PIGK: variants seen among roughly 807,000 people sequenced by gnomAD.
PIGK encodes the protein phosphatidylinositol glycan anchor biosynthesis class K.
In PIGK, 42 loss-of-function variants were observed where a neutral mutation model predicts 50.6. The ratio of observed to expected loss-of-function variants is 0.83; its 90% CI spans 0.65 to 1.07. The LOEUF (loss-of-function observed/expected upper bound fraction) is 1.07, where lower values mean the gene tolerates loss of function less well. PIGK is among the 50% of genes least tolerant of loss of function. The pLI is 0.00. For missense variants in PIGK, 448 were observed against 488.7 expected (o/e 0.92, Z 0.78); for synonymous variants, 151 against 156.0 (o/e 0.97, Z 0.24).
At position 77,149,587 on chromosome 1, in the gene PIGK, AC is replaced by A. The variant is rs779204845; in HGVS notation, c.986+4861del. 1.0e-3 allele frequency among the ~76,000 whole-genome samples: 152 copies of A among 152,276 alleles called. 2 individuals are homozygous for A. The highest frequency in any genetic ancestry group is 3.4e-3 in the Middle Eastern group (1 of 294). On this transcript the variant is annotated intron_variant, in intron 9 of 10. Coordinates refer to ENST00000370812, the MANE Select transcript of PIGK (RefSeq NM_005482.3). ...ATATGTATATACCCATTGCAGTATT[AC>A]CCAAATATAAAGCAAATATGATTAG...
At chr1:77,122,608 TTC>T (rs1477086938) in intron 9 of PIGK, among the ~76,000 whole-genome samples, 10 of 152,204 alleles carry the variant, frequency 6.6e-5, no homozygotes, top group Admixed American at 6.6e-4. Context: ...GATCCTGTCT[TTC>T]TCTGAGACAA....
intron 10 of PIGK, among the ~76,000 whole-genome samples, chr1:77,111,016 T>C (rs1031804516): frequency 6.6e-6 from 1 of 152,150 alleles, no homozygotes; most frequent in African/African-American, 2.4e-5. Flanking sequence ...ATGCTCATCA[T>C]CACTGGCCAT....
At chr1:77,204,406 T>A (rs914254375) in intron 3 of PIGK, among the ~76,000 whole-genome samples, 1 of 152,126 alleles carries the variant, frequency 6.6e-6, no homozygotes, top group Non-Finnish European at 1.5e-5. Flanking sequence ...CAGTGGGACA[T>A]GAAACTTCAT....
At chr1:77,163,373 TAA>T (rs1655169582) in intron 6 of PIGK, among the ~76,000 whole-genome samples, 1 of 152,154 alleles carries the variant, frequency 6.6e-6, no homozygotes. Flanking sequence ...AGCTTCCAAC[TAA>T]AGAGATGCTT....
At chr1:77,216,023 C>T (rs1455328152) in intron 1 of PIGK, among the ~76,000 whole-genome samples, 1 of 152,024 alleles carries the variant, frequency 6.6e-6, no homozygotes, top group Non-Finnish European at 1.5e-5. Flanking sequence ...TTCTATAGCA[C>T]TTTAGAGTAA....
intron 9 of PIGK, among the ~76,000 whole-genome samples, chr1:77,136,322 G>C (rs1340962848): frequency 6.6e-6 from 1 of 151,876 alleles, no homozygotes; most frequent in South Asian, 2.1e-4. Flanking sequence ...GAGGTCAGGA[G>C]ATCGAGACCA....
chr1:77,143,408 TATAAAAA>T (rs957066770), intron 9 of PIGK, among the ~76,000 whole-genome samples: 19 of 152,098 alleles, frequency 1.2e-4, no homozygotes, highest in Admixed American at 9.8e-4. Context: ...TACCATCCTT[TATAAAAA>T]ATTTTTGTGA....
At chr1:77,212,726 C>T (rs373813392) in intron 1 of PIGK, among the ~76,000 whole-genome samples, 10 of 152,036 alleles carry the variant, frequency 6.6e-5, no homozygotes, top group South Asian at 2.1e-4. Context: ...CACTATACAA[C>T]GATAAAGGAA....
rs1004841272 is a variant in PIGK, at chr1:77,092,291, A to C, written c.*83T>G. On this transcript the variant is annotated 3_prime_UTR_variant, in exon 11 of 11. Transcript: ENST00000370812. ...TACTTATTTCCAATTCATACAAGAGAAACACATTTTTAAAAATATATAATG... is the reference window on the plus strand; with the variant it reads ...TACTTATTTCCAATTCATACAAGAGCAACACATTTTTAAAAATATATAATG... The C allele has an allele frequency of 1.1e-5, 7 of 636,370 alleles. No individual in the cohort carries two copies. Among genetic ancestry groups the C allele is most frequent in the Non-Finnish European group, 1.9e-5 (7 of 366,004 alleles). The allele number at this position is 636,370 out of a possible 1,614,324, so 39.4% of individuals were successfully genotyped here.
chr1:77,136,550 A>T (rs1018063045), intron 9 of PIGK, among the ~76,000 whole-genome samples: 2 of 151,296 alleles, frequency 1.3e-5, no homozygotes, highest in Admixed American at 1.3e-4. Flanking sequence ...AAAAAAAAAA[A>T]AAAAAAAAAA....
intron 1 of PIGK, among the ~76,000 whole-genome samples, chr1:77,212,404 C>T (rs1200646288): frequency 6.6e-6 from 1 of 152,100 alleles, no homozygotes. Context: ...GTGACTGGAA[C>T]ATACTACTAG....
chr1:77,174,597 C>T (rs1655440456), intron 3 of PIGK, among the ~76,000 whole-genome samples: 1 of 152,132 alleles, frequency 6.6e-6, no homozygotes, highest in African/African-American at 2.4e-5. Flanking sequence ...AGATACTCAG[C>T]TCTGCACATT....
intron 10 of PIGK, among the ~76,000 whole-genome samples, chr1:77,116,437 A>G (rs920728064): frequency 4.6e-5 from 7 of 151,874 alleles, no homozygotes; most frequent in Non-Finnish European, 1.0e-4. Flanking sequence ...CGCCCACCTC[A>G]GCCTCCCAAA....
chr1:77,170,537 T>C (rs1655335706), intron 3 of PIGK, among the ~76,000 whole-genome samples: 1 of 152,228 alleles, frequency 6.6e-6, no homozygotes, highest in Non-Finnish European at 1.5e-5. Flanking sequence ...CCCATTAGGA[T>C]ATAAGCTCTC....
chr1:77,153,631 A>T (rs1054828786), intron 9 of PIGK: 8 of 145,160 alleles, frequency 5.5e-5, no homozygotes, highest in Admixed American at 3.4e-4. Flanking sequence ...TTATACATCA[A>T]TTAAAAAAAA....
At chr1:77,111,428 TA>T (rs1301621782) in intron 10 of PIGK, among the ~76,000 whole-genome samples, 2 of 152,064 alleles carry the variant, frequency 1.3e-5, no homozygotes, top group African/African-American at 4.8e-5. Context: ...TATGCAGCCA[TA>T]AAAAATGATG....
At chr1:77,152,456 T>A (rs1438514993) in intron 9 of PIGK, among the ~76,000 whole-genome samples, 3 of 151,798 alleles carry the variant, frequency 2.0e-5, no homozygotes, top group Admixed American at 6.6e-5. Flanking sequence ...ATTTTTTAGG[T>A]AAAACCTCAA....
At chr1:77,137,488 G>A (rs569580832) in intron 9 of PIGK, among the ~76,000 whole-genome samples, 2 of 152,124 alleles carry the variant, frequency 1.3e-5, no homozygotes, top group Admixed American at 6.6e-5. Context: ...AAATATGAAA[G>A]TCTATTTGGC....
At chr1:77,218,327 T>C (rs937914813) in intron 1 of PIGK, among the ~76,000 whole-genome samples, 4 of 152,228 alleles carry the variant, frequency 2.6e-5, no homozygotes, top group African/African-American at 7.2e-5. Flanking sequence ...TGGAGGCCTA[T>C]GGAAAACAAG....
Sources: gnomAD v4.1 joint callset for allele counts (sites outside exome capture counted in the v4.1 genomes callset) on GRCh38, gnomAD v4.1.1 for gene constraint, MANE v1.5 for transcripts, NCBI Gene and HGNC (gene_info 2026-07-23, HGNC 2026-07-21) for gene names.